The following IQCM variants were observed in gnomAD, a reference collection of about 807,000 sequenced individuals.
IQCM encodes the protein IQ motif containing M.
In IQCM, 45 loss-of-function variants were observed where a neutral mutation model predicts 57.6. The ratio of observed to expected loss-of-function variants is 0.78; its 90% CI spans 0.62 to 1.00. The LOEUF (loss-of-function observed/expected upper bound fraction) is 1.00, where lower values mean the gene tolerates loss of function less well. IQCM is among the 50% of genes least tolerant of loss of function. The pLI is 0.00. For missense variants in IQCM, 468 were observed against 511.6 expected (o/e 0.91, Z 0.82); for synonymous variants, 148 against 158.9 (o/e 0.93, Z 0.51).
intron 13 of IQCM, among the ~76,000 whole-genome samples, chr4:149,397,393 G>A (rs1264043567): frequency 6.6e-6 from 1 of 151,962 alleles, no homozygotes; most frequent in African/African-American, 2.4e-5. Context: ...ATCCCCAGGT[G>A]TCAAGGGAGA....
At chr4:149,711,852 G>A (rs1764584243) in intron 5 of IQCM, among the ~76,000 whole-genome samples, 1 of 152,124 alleles carries the variant, frequency 6.6e-6, no homozygotes, top group South Asian at 2.1e-4. Context: ...CCTGTTAAAT[G>A]TGATGATAGC....
At position 149,505,559 on chromosome 4, in the gene IQCM, T is replaced by C. The variant is rs146021840; in HGVS notation, c.1228+42896A>G. On this transcript the variant is annotated intron_variant, in intron 12 of 13. Transcript: ENST00000636793. ...TGAAACACTGTCATAAAGAAAAGCA[T>C]AAAGAAGCAAGTATAAATCATCTGA... Among the ~76,000 whole-genome samples the C allele has an allele frequency of 1.6e-4, 25 of 152,290 alleles. 1 individual carries two copies. In the East Asian group the frequency reaches 4.6e-3, roughly 28 times the overall value.
intron 12 of IQCM, among the ~76,000 whole-genome samples, chr4:149,541,857 T>C (rs921183536): frequency 1.3e-5 from 2 of 152,078 alleles, no homozygotes; most frequent in African/African-American, 4.8e-5. Context: ...TCAATTGAAT[T>C]AGTTACATAT....
chr4:149,451,215 G>A (rs1737085455), intron 12 of IQCM, among the ~76,000 whole-genome samples: 1 of 151,650 alleles, frequency 6.6e-6, no homozygotes, highest in East Asian at 1.9e-4. Context: ...CAGGGGAGAT[G>A]GGGTGATTAA....
At chr4:149,531,053 T>C (rs1746697234) in intron 12 of IQCM, among the ~76,000 whole-genome samples, 1 of 152,194 alleles carries the variant, frequency 6.6e-6, no homozygotes, top group Non-Finnish European at 1.5e-5. Context: ...TTCATGTATA[T>C]ATTCAATATA....
chr4:149,809,963 T>G lies in IQCM; in HGVS notation c.-49+5348A>C, dbSNP rs1252375263. On this transcript the variant is annotated intron_variant, in intron 2 of 13. Transcript: ENST00000636793. Reference sequence around the variant, plus strand: ...TCTCTTTTCCTTAATAAATACCGAGTGTCTGATTAGCACATTTCCAGGTTT... The same window carrying G: ...TCTCTTTTCCTTAATAAATACCGAGGGTCTGATTAGCACATTTCCAGGTTT... Among the ~76,000 whole-genome samples the G allele has an allele frequency of 2.0e-5, 3 of 152,094 alleles. No individual in the cohort carries two copies. The East Asian group carries it at 5.8e-4, about 29-fold the overall frequency.
chr4:149,400,677 TA>T (rs1732557933), intron 13 of IQCM, among the ~76,000 whole-genome samples: 1 of 151,864 alleles, frequency 6.6e-6, no homozygotes, highest in South Asian at 2.1e-4. Flanking sequence ...GAGGCAAAAA[TA>T]ACTAAATTAA....
At chr4:149,773,348 T>C (rs1770771402) in intron 2 of IQCM, among the ~76,000 whole-genome samples, 1 of 143,220 alleles carries the variant, frequency 7.0e-6, no homozygotes, top group Non-Finnish European at 1.5e-5. Context: ...CAAAACTCCG[T>C]CTCAAAAAAA....
intron 2 of IQCM, among the ~76,000 whole-genome samples, chr4:149,790,841 G>C (rs922054081): frequency 6.6e-6 from 1 of 150,582 alleles, no homozygotes; most frequent in African/African-American, 2.5e-5. Flanking sequence ...TTTTTTTTTT[G>C]GTACTTTTAT....
intron 5 of IQCM, among the ~76,000 whole-genome samples, chr4:149,727,743 G>A (rs1413912548): frequency 6.6e-6 from 1 of 152,100 alleles, no homozygotes; most frequent in East Asian, 1.9e-4. Context: ...AGCCAGGAAG[G>A]AGTCCAGGAA....
chr4:149,458,639 TA>T (rs1737948014), intron 12 of IQCM, among the ~76,000 whole-genome samples: 1 of 151,940 alleles, frequency 6.6e-6, no homozygotes, highest in Admixed American at 6.6e-5. Context: ...GGGAAAAGAT[TA>T]AAAAGGAGAA....
At chr4:149,778,541 G>A (rs552677791) in intron 2 of IQCM, among the ~76,000 whole-genome samples, 2 of 151,958 alleles carry the variant, frequency 1.3e-5, no homozygotes, top group Admixed American at 1.3e-4. Context: ...TAGAAAAAGA[G>A]CAATAAAAAT....
chr4:149,642,651 T>C (rs976919530), intron 7 of IQCM, among the ~76,000 whole-genome samples: 11 of 152,148 alleles, frequency 7.2e-5, no homozygotes, highest in African/African-American at 1.7e-4. Flanking sequence ...GAGATCCTCA[T>C]TGGTTTAAAG....
At chr4:149,444,235 A>G (rs1041816229) in intron 12 of IQCM, among the ~76,000 whole-genome samples, 6 of 151,972 alleles carry the variant, frequency 3.9e-5, no homozygotes, top group African/African-American at 1.4e-4. Context: ...TTCTCATGGC[A>G]TAATTTTAAA....
At chr4:149,570,488 A>G (rs1465829351) in intron 9 of IQCM, among the ~76,000 whole-genome samples, 1 of 152,064 alleles carries the variant, frequency 6.6e-6, no homozygotes, top group African/African-American at 2.4e-5. Flanking sequence ...AGGATATTAA[A>G]AAGAGAAAGG....
intron 12 of IQCM, among the ~76,000 whole-genome samples, chr4:149,463,111 C>A (rs1366069656): frequency 6.6e-6 from 1 of 152,166 alleles, no homozygotes; most frequent in Non-Finnish European, 1.5e-5. Context: ...TTTAAAAAGA[C>A]ATTCGCATTA....
intron 3 of IQCM, among the ~76,000 whole-genome samples, chr4:149,739,083 A>G (rs1369977740): frequency 1.3e-5 from 2 of 152,148 alleles, no homozygotes; most frequent in Non-Finnish European, 2.9e-5. Flanking sequence ...ATTCAAGTGC[A>G]CTTCACCTAT....
chr4:149,701,281 G>A (rs1580054631), intron 5 of IQCM, among the ~76,000 whole-genome samples: 2 of 152,012 alleles, frequency 1.3e-5, no homozygotes, highest in Admixed American at 1.3e-4. Flanking sequence ...TTCATGTGTT[G>A]GGGGGAAAAC....
At chr4:149,480,379 C>A (rs910147721) in intron 12 of IQCM, among the ~76,000 whole-genome samples, 1 of 151,904 alleles carries the variant, frequency 6.6e-6, no homozygotes, top group Non-Finnish European at 1.5e-5. Context: ...TGTTTTTGTA[C>A]CCATTAATCA....
Sources: allele counts gnomAD v4.1 joint callset (sites outside exome capture counted in the v4.1 genomes callset), GRCh38; gene constraint gnomAD v4.1.1; transcripts MANE v1.5; gene names NCBI Gene and HGNC (gene_info 2026-07-23, HGNC 2026-07-21).